Variants in ICA1L observed in about 807,000 individuals in gnomAD.
ICA1L encodes islet cell autoantigen 1 like.
Under a neutral mutation model 61.3 loss-of-function variants are expected in ICA1L, and 50 were observed. The observed-to-expected ratio is 0.82, with a 90% CI of 0.65 to 1.03. The LOEUF (loss-of-function observed/expected upper bound fraction) is 1.03. ICA1L is among the 50% of genes least tolerant of loss of function. The pLI, the probability that ICA1L is intolerant of heterozygous loss-of-function variation, is 0.00. For synonymous variants in ICA1L, 161 were observed against 191.3 expected (o/e 0.84, Z 1.31); for missense variants, 508 against 556.7 (o/e 0.91, Z 0.88).
intron 1 of ICA1L, chr2:202,841,639 G>C: frequency 1.6e-6 from 1 of 611,836 alleles, no homozygotes; most frequent in South Asian, 1.4e-5. Flanking sequence ...CCCGAAAGAT[G>C]CTGCTGCCCA....
At chr2:202,845,195 C>T (rs1694434043) in intron 1 of ICA1L, among the ~76,000 whole-genome samples, 1 of 152,166 alleles carries the variant, frequency 6.6e-6, no homozygotes, top group African/African-American at 2.4e-5. Context: ...AACACAGTCT[C>T]TTGCAACAGA....
rs187146971 is a variant in ICA1L, at chr2:202,807,705, A to G, written c.910+4041T>C. ...AGGCAGTGCAGCTTACAGCTCCAGG[A>G]GAAACTCCTTTCTGCTTGAGGAGAG... On this transcript the variant is annotated intron_variant, in intron 9 of 12. Coordinates refer to ENST00000358299, the MANE Select transcript of ICA1L (RefSeq NM_001288622.3). Among the ~76,000 whole-genome samples the G allele has an allele frequency of 5.3e-3, 807 of 152,164 alleles. 4 individuals carry two copies. The highest frequency in any genetic ancestry group is 0.018 in the African/African-American group (754 of 41,510).
chr2:202,773,711 C>T lies in ICA1L; in HGVS notation c.*5822G>A, dbSNP rs1292817869. ...CATTAATATATACAGCATATTGACT[C>T]TAGTTGCATCAGTTATGCATGAAGA... On this transcript the variant is annotated 3_prime_UTR_variant, in exon 13 of 13. Transcript: ENST00000358299. 1 of 1,083,382 alleles carries T rather than the reference C, an allele frequency of 9.2e-7. No homozygotes were observed. The highest frequency in any genetic ancestry group is 1.4e-6 in the Non-Finnish European group (1 of 711,122). The allele number at this position is 1,083,382 out of a possible 1,614,324, so 67.1% of individuals were successfully genotyped here. A position where few individuals can be genotyped will look rare whatever the true frequency, so the allele number is the denominator to read the frequency against.
Position 202,789,107 on chromosome 2 carries a change from AC to A in ICA1L, c.986-21del. The stretch of plus-strand genomic sequence containing the variant: ...TTGCAACTATTGAGTGTAAATAAAA[AC>A]AGAAAGGCTTTTTTGATTTTAGGAA... On this transcript the variant is annotated intron_variant, in intron 10 of 12. Coordinates refer to ENST00000358299, the MANE Select transcript of ICA1L (RefSeq NM_001288622.3). 6.3e-7 allele frequency: 1 copy of A among 1,578,172 alleles called. No homozygotes were observed. Among genetic ancestry groups the A allele is most frequent in the Non-Finnish European group, 8.6e-7 (1 of 1,165,908 alleles).
At position 202,820,684 on chromosome 2, in the gene ICA1L, C is replaced by T. The variant is rs1693675662; in HGVS notation, c.359+674G>A. 2.0e-5 allele frequency among the ~76,000 whole-genome samples: 3 copies of T among 152,154 alleles called. No individual in the cohort carries two copies. The South Asian group carries it at 6.2e-4, about 32-fold the overall frequency. ...AAGAAACACAGATTAAATCCAATTC[C>T]TCCTTTTTGCTTAGTGACCATTGGA... On this transcript the variant is annotated intron_variant, in intron 4 of 12. Transcript: ENST00000358299.
intron 1 of ICA1L, among the ~76,000 whole-genome samples, chr2:202,836,930 C>T (rs2105867602): frequency 6.6e-6 from 1 of 152,142 alleles, no homozygotes; most frequent in Middle Eastern, 3.4e-3. Context: ...CAATCTCCAC[C>T]TCCCGGGTTC....
At chr2:202,831,472 T>A (rs1694013009) in intron 1 of ICA1L, among the ~76,000 whole-genome samples, 1 of 152,212 alleles carries the variant, frequency 6.6e-6, no homozygotes, top group Non-Finnish European at 1.5e-5. Context: ...TCCAACTATA[T>A]GACAAACTGT....
intron 1 of ICA1L, among the ~76,000 whole-genome samples, chr2:202,853,273 C>T (rs559469303): frequency 2.0e-5 from 3 of 150,618 alleles, no homozygotes; most frequent in South Asian, 2.1e-4. Flanking sequence ...AGGAGAACGG[C>T]GTGAACCCAG....
In ICA1L at chr2:202,774,261, G is replaced by A; in HGVS notation, c.*5272C>T. 6.5e-7 allele frequency: 1 copy of A among 1,545,880 alleles called. No individual in the cohort carries two copies. Among genetic ancestry groups the A allele is most frequent in the Non-Finnish European group, 8.7e-7 (1 of 1,145,556 alleles). On this transcript the variant is annotated 3_prime_UTR_variant, in exon 13 of 13. Transcript: ENST00000358299. Reference sequence around the variant, plus strand: ...GTCTTCTCGCTCCTGTCGGCCAAAGGCCGTGACCCCGACGCGTGCAGGCAC... The same window carrying A: ...GTCTTCTCGCTCCTGTCGGCCAAAGACCGTGACCCCGACGCGTGCAGGCAC...
chr2:202,790,237 T>A (rs1692705519), intron 10 of ICA1L, among the ~76,000 whole-genome samples: 1 of 152,146 alleles, frequency 6.6e-6, no homozygotes, highest in South Asian at 2.1e-4. Context: ...ATCCCATCCC[T>A]TAAACATTTT....
intron 9 of ICA1L, among the ~76,000 whole-genome samples, chr2:202,803,699 C>G (rs1353460724): frequency 1.3e-5 from 2 of 151,952 alleles, no homozygotes; most frequent in African/African-American, 4.8e-5. Flanking sequence ...CCACACCTGC[C>G]TAATTTTTTG....
At chr2:202,816,077 C>T (rs1482482995) in intron 6 of ICA1L, 68 bp from the exon 7 acceptor site, 2 of 979,008 alleles carry the variant, frequency 2.0e-6, no homozygotes, top group Admixed American at 2.9e-5. Flanking sequence ...TGCTATATTT[C>T]CTTACTAGTT....
chr2:202,807,886 G>A (rs1693267655), intron 9 of ICA1L, among the ~76,000 whole-genome samples: 1 of 152,116 alleles, frequency 6.6e-6, no homozygotes, highest in African/African-American at 2.4e-5. Flanking sequence ...GGAATGCACT[G>A]CCCTAAAGGG....
At position 202,773,664 on chromosome 2, in the gene ICA1L, G is replaced by C; in HGVS notation, c.*5869C>G. On this transcript the variant is annotated 3_prime_UTR_variant, in exon 13 of 13. Coordinates refer to ENST00000358299, the MANE Select transcript of ICA1L (RefSeq NM_001288622.3). ...TAAATTCCATCCATTTGAGCTTTCA[G>C]AGATAGATGCCCAAGAGCTATCATT... 1 of 772,400 alleles carries C rather than the reference G, an allele frequency of 1.3e-6. No individual in the cohort carries two copies. The highest frequency in any genetic ancestry group is 2.7e-5 in the East Asian group (1 of 36,772). The allele number at this position is 772,400 out of a possible 1,614,324, so 47.8% of individuals were successfully genotyped here. A position where few individuals can be genotyped will look rare whatever the true frequency, so the allele number is the denominator to read the frequency against.
chr2:202,834,675 TAGC>T (rs1472065050), intron 1 of ICA1L, among the ~76,000 whole-genome samples: 2 of 152,204 alleles, frequency 1.3e-5, no homozygotes, highest in East Asian at 1.9e-4. Context: ...AACAATAAAA[TAGC>T]AGCTCAATTA....
At chr2:202,834,323 T>C (rs1007278435) in intron 1 of ICA1L, among the ~76,000 whole-genome samples, 5 of 152,102 alleles carry the variant, frequency 3.3e-5, no homozygotes, top group African/African-American at 9.7e-5. Context: ...TTTCTTCACA[T>C]TATATAACTT....
chr2:202,808,996 A>G (rs929496456), intron 9 of ICA1L, among the ~76,000 whole-genome samples: 17 of 152,140 alleles, frequency 1.1e-4, no homozygotes, highest in Admixed American at 9.8e-4. Context: ...ACAAACATCC[A>G]CAAGCATCAA....
intron 2 of ICA1L, among the ~76,000 whole-genome samples, chr2:202,826,337 G>A (rs1203695018): frequency 1.3e-5 from 2 of 151,972 alleles, no homozygotes; most frequent in Non-Finnish European, 2.9e-5. Context: ...AAAATATCCA[G>A]TAGACTCTCA....
intron 1 of ICA1L, among the ~76,000 whole-genome samples, chr2:202,846,581 G>A (rs2105876773): frequency 6.6e-6 from 1 of 152,222 alleles, no homozygotes; most frequent in East Asian, 1.9e-4. Context: ...GGTCAAAGGA[G>A]GGCAGAAGGT....
Sources: allele counts gnomAD v4.1 joint callset (sites outside exome capture counted in the v4.1 genomes callset), GRCh38; gene constraint gnomAD v4.1.1; transcripts MANE v1.5; gene names NCBI Gene and HGNC (gene_info 2026-07-23, HGNC 2026-07-21).